Variants in PPP2R2B observed in about 807,000 individuals in gnomAD.
PPP2R2B encodes serine/threonine-protein phosphatase 2A 55 kDa regulatory subunit B beta isoform.
A neutral mutation model predicts 46.0 loss-of-function variants in PPP2R2B; 5 were observed. The observed-to-expected ratio is 0.11, with a 90% CI of 0.06 to 0.23. The LOEUF (loss-of-function observed/expected upper bound fraction) is 0.23, where lower values mean the gene tolerates loss of function less well. Among genes scored for constraint, PPP2R2B ranks in the 10% least tolerant of loss-of-function variants. The pLI is 1.00. For synonymous variants in PPP2R2B, 215 were observed against 206.7 expected, an observed-to-expected ratio of 1.04 and a Z score of -0.34; for missense variants, 367 against 575.0, an observed-to-expected ratio of 0.64 and a Z score of 3.70.
chr5:146,714,921 C>A (rs547109890), intron 2 of PPP2R2B, among the ~76,000 whole-genome samples: 48 of 152,216 alleles, frequency 3.2e-4, no homozygotes, highest in African/African-American at 1.1e-3. Context: ...AAGCTGAGAG[C>A]AGAAAGGACT....
intron 2 of PPP2R2B, among the ~76,000 whole-genome samples, chr5:146,813,882 G>A (rs529789529): frequency 3.3e-5 from 5 of 152,272 alleles, no homozygotes; most frequent in African/African-American, 9.6e-5. Context: ...GCAAGCAGGA[G>A]GAGTCCTGGC....
intron 2 of PPP2R2B, among the ~76,000 whole-genome samples, chr5:146,791,235 C>T (rs771655879): frequency 6.6e-6 from 1 of 152,136 alleles, no homozygotes; most frequent in Non-Finnish European, 1.5e-5. Context: ...ATTAGCACCA[C>T]GTTCAATGTC....
At chr5:146,900,703 G>A (rs189954484) in intron 1 of PPP2R2B, among the ~76,000 whole-genome samples, 21 of 151,748 alleles carry the variant, frequency 1.4e-4, no homozygotes, top group Non-Finnish European at 2.2e-4. Context: ...TGTGTGTCAC[G>A]GTGATTTGCT....
chr5:146,800,712 C>T (rs768512252), intron 2 of PPP2R2B, among the ~76,000 whole-genome samples: 18 of 151,826 alleles, frequency 1.2e-4, no homozygotes, highest in Non-Finnish European at 1.8e-4. Context: ...TCCTGCCCTT[C>T]GGTCTAATCA....
intron 9 of PPP2R2B, chr5:146,592,153 T>C (rs1770724468): frequency 2.2e-6 from 1 of 447,294 alleles, no homozygotes; most frequent in African/African-American, 2.0e-5. Context: ...AACTGGTCAG[T>C]GTGACTTGGG....
At chr5:146,844,735 C>A (rs1412365277) in intron 2 of PPP2R2B, among the ~76,000 whole-genome samples, 1 of 152,248 alleles carries the variant, frequency 6.6e-6, no homozygotes, top group Non-Finnish European at 1.5e-5. Context: ...TTCTTTCTTT[C>A]TTTCCAGCAC....
At chr5:146,646,967 T>C (rs1247316672) in intron 6 of PPP2R2B, among the ~76,000 whole-genome samples, 4 of 152,162 alleles carry the variant, frequency 2.6e-5, no homozygotes, top group African/African-American at 9.7e-5. Context: ...TTAAAGCTTA[T>C]ACAGCCAGAA....
At chr5:146,713,890 G>A (rs1780341029) in intron 2 of PPP2R2B, among the ~76,000 whole-genome samples, 1 of 152,124 alleles carries the variant, frequency 6.6e-6, no homozygotes, top group South Asian at 2.1e-4. Context: ...AGATGTTGAG[G>A]AGATAACTGG....
At chr5:146,968,025 A>T (rs961302583) in intron 1 of PPP2R2B, among the ~76,000 whole-genome samples, 2 of 152,138 alleles carry the variant, frequency 1.3e-5, no homozygotes, top group East Asian at 1.9e-4. Context: ...ATGAATCTAG[A>T]ACAATCTTGC....
intron 1 of PPP2R2B, among the ~76,000 whole-genome samples, chr5:147,043,248 T>C (rs77310329): frequency 8.4e-4 from 127 of 151,928 alleles, no homozygotes; most frequent in African/African-American, 2.9e-3. Context: ...CTAAATTGTG[T>C]CCCCCTGCAA....
At position 146,589,065 on chromosome 5, in the gene PPP2R2B, G is replaced by A. The variant is rs1464597863; in HGVS notation, c.*882C>T. ...ACCAGATAATAAGCACCCAGGACTC[G>A]GCCTTTAGAAGTCAATGGAATAAAT... On this transcript the variant is annotated 3_prime_UTR_variant, in exon 10 of 10. Coordinates refer to ENST00000394411, the MANE Select transcript of PPP2R2B (RefSeq NM_181675.4). The A allele has an allele frequency of 3.3e-5, 5 of 152,046 alleles. No individual in the cohort carries two copies. Among genetic ancestry groups the A allele is most frequent in the African/African-American group, 9.7e-5 (4 of 41,372 alleles). The allele number at this position is 152,046 out of a possible 1,614,324, so 9.4% of individuals were successfully genotyped here.
chr5:146,641,195 A>T (rs1396490121), intron 6 of PPP2R2B, among the ~76,000 whole-genome samples: 5 of 152,118 alleles, frequency 3.3e-5, no homozygotes, highest in African/African-American at 1.2e-4. Flanking sequence ...TAACAGGTCC[A>T]TTTTACAGCC....
At chr5:146,701,946 C>T (rs1161169883) in intron 2 of PPP2R2B, among the ~76,000 whole-genome samples, 1 of 151,730 alleles carries the variant, frequency 6.6e-6, no homozygotes, top group Non-Finnish European at 1.5e-5. Flanking sequence ...AGGTAAATTA[C>T]CTATGATTGG....
At chr5:146,724,878 T>TTC in intron 2 of PPP2R2B, among the ~76,000 whole-genome samples, 1 of 152,234 alleles carries the variant, frequency 6.6e-6, no homozygotes, top group South Asian at 2.1e-4. Context: ...TCTTAAAACT[T>TTC]TTGACCTTAA....
intron 1 of PPP2R2B, chr5:147,054,696 G>A (rs181530937): frequency 2.1e-4 from 96 of 456,160 alleles, no homozygotes; most frequent in Non-Finnish European, 3.1e-4. Flanking sequence ...TTCAGAACAG[G>A]CTGGTCGCCA....
At chr5:146,712,842 G>T (rs1031073406) in intron 2 of PPP2R2B, among the ~76,000 whole-genome samples, 38 of 152,204 alleles carry the variant, frequency 2.5e-4, no homozygotes, top group African/African-American at 8.7e-4. Flanking sequence ...TCCAAACAAC[G>T]TCTCAAGATT....
chr5:147,000,793 T>G (rs1385707511), intron 1 of PPP2R2B, among the ~76,000 whole-genome samples: 1 of 152,052 alleles, frequency 6.6e-6, no homozygotes, highest in Non-Finnish European at 1.5e-5. Context: ...GTGAGCACCA[T>G]CAGCAAATGT....
At chr5:146,805,683 T>G (rs1335984122) in intron 2 of PPP2R2B, among the ~76,000 whole-genome samples, 2 of 151,824 alleles carry the variant, frequency 1.3e-5, no homozygotes, top group Non-Finnish European at 2.9e-5. Flanking sequence ...AGGAAAAAAA[T>G]GGAGTGGTTT....
intron 2 of PPP2R2B, among the ~76,000 whole-genome samples, chr5:146,830,588 G>A (rs1758866352): frequency 6.6e-6 from 1 of 150,494 alleles, no homozygotes. Flanking sequence ...ATAGTGGCAT[G>A]ATCTTGGCTC....
Sources: allele counts gnomAD v4.1 joint callset (sites outside exome capture counted in the v4.1 genomes callset), GRCh38; gene constraint gnomAD v4.1.1; transcripts MANE v1.5; gene names NCBI Gene and HGNC (gene_info 2026-07-23, HGNC 2026-07-21).